Variants in SPECC1 observed in about 807,000 individuals in gnomAD.
SPECC1 encodes cytospin-B.
A neutral mutation model predicts 104.1 loss-of-function variants in SPECC1; 62 were observed. That is an observed-to-expected ratio of 0.60 (90% CI 0.49 to 0.74). The LOEUF (loss-of-function observed/expected upper bound fraction) is 0.74, where lower values mean the gene tolerates loss of function less well. Among genes scored for constraint, SPECC1 ranks in the 30% least tolerant of loss-of-function variants. The pLI, the probability that SPECC1 is intolerant of heterozygous loss-of-function variation, is 0.00. For synonymous variants in SPECC1, 513 were observed against 501.6 expected, an observed-to-expected ratio of 1.02 and a Z score of -0.30; for missense variants, 1,306 against 1,310.5, an observed-to-expected ratio of 1.00 and a Z score of 0.05.
At position 20,148,341 on chromosome 17, in the gene SPECC1, G is replaced by A. The variant is rs540714249; in HGVS notation, c.283+37779G>A. Among the ~76,000 whole-genome samples, 3 of 152,158 alleles carry A rather than the reference G, an allele frequency of 2.0e-5. No individual in the cohort carries two copies. In the South Asian group the frequency reaches 6.2e-4, roughly 32 times the overall value. ...TGCAACCTTGAACTCCTGGGCTCAAGTGGTTCTCCCACCTCAGCCTCCCGA... is the reference window on the plus strand; with the variant it reads ...TGCAACCTTGAACTCCTGGGCTCAAATGGTTCTCCCACCTCAGCCTCCCGA... On this transcript the variant is annotated intron_variant, in intron 3 of 14. Transcript: ENST00000395527.
chr17:20,071,718 G>A (rs147712235), intron 1 of SPECC1, among the ~76,000 whole-genome samples: 3 of 152,134 alleles, frequency 2.0e-5, no homozygotes, highest in East Asian at 1.9e-4. Flanking sequence ...TTTTTTTAAC[G>A]TGATAACTTA....
At chr17:20,278,163 A>G (rs2040637733) in intron 12 of SPECC1, among the ~76,000 whole-genome samples, 1 of 152,126 alleles carries the variant, frequency 6.6e-6, no homozygotes, top group South Asian at 2.1e-4. Context: ...GGTATGGAAC[A>G]TAGCTCCCCT....
intron 1 of SPECC1, among the ~76,000 whole-genome samples, chr17:20,041,614 T>C (rs1461172355): frequency 6.7e-6 from 1 of 148,628 alleles, no homozygotes; most frequent in African/African-American, 2.5e-5. Flanking sequence ...TAGTTGTTTG[T>C]TGAGGCTTTT....
At position 20,204,823 on chromosome 17, in the gene SPECC1, G is replaced by A. The variant is rs376099359; in HGVS notation, c.774G>A (p.Glu258=). 4.6e-5 allele frequency: 75 copies of A among 1,613,926 alleles called. No individual in the cohort carries two copies. Among genetic ancestry groups the A allele is most frequent in the Non-Finnish European group, 6.3e-5 (74 of 1,180,034 alleles). ...RVLKEKLIYL[E]HSPNSEGAAS... is the part of the protein sequence containing the mutation. ...TGAAGGAGAAACTGATCTATCTTGA[G>A]CACTCCCCAAATTCAGAAGGGGCAG... The change falls in exon 4 of 15, where the codon GAG becomes GAA. Residue 258 remains glutamate, a synonymous_variant. Coordinates refer to ENST00000395527, the MANE Select transcript of SPECC1 (RefSeq NM_001243439.2).
chr17:20,101,862 C>T lies in SPECC1; in HGVS notation c.147+5064C>T, dbSNP rs191325707. Among the ~76,000 whole-genome samples, 15 of 152,330 alleles carry T rather than the reference C, an allele frequency of 9.8e-5. No homozygotes were observed. In the South Asian group the frequency reaches 1.5e-3, roughly 15 times the overall value. ...ACCATAACATGTTATCCACCAGTAA[C>T]GACCAGATTATGTTATGTCTGATGA... On this transcript the variant is annotated intron_variant, in intron 2 of 14. Coordinates refer to ENST00000395527, the MANE Select transcript of SPECC1 (RefSeq NM_001243439.2).
intron 7 of SPECC1, among the ~76,000 whole-genome samples, chr17:20,240,937 A>G (rs144083892): frequency 1.0e-3 from 156 of 152,224 alleles, no homozygotes; most frequent in African/African-American, 3.5e-3. Flanking sequence ...TGTATTATGA[A>G]CTGTTTGCAT....
At chr17:20,292,303 C>T (rs1263615726) in intron 12 of SPECC1, among the ~76,000 whole-genome samples, 5 of 151,908 alleles carry the variant, frequency 3.3e-5, no homozygotes, top group Non-Finnish European at 7.4e-5. Context: ...GATGGGGCAC[C>T]CCACTGCCCC....
chr17:20,222,314 A>T (rs2037929756), intron 4 of SPECC1, among the ~76,000 whole-genome samples: 1 of 152,088 alleles, frequency 6.6e-6, no homozygotes, highest in African/African-American at 2.4e-5. Flanking sequence ...AGCCTGGGAG[A>T]CAGAGCGAGA....
At chr17:20,270,669 C>T (rs2040379657) in intron 12 of SPECC1, among the ~76,000 whole-genome samples, 1 of 151,304 alleles carries the variant, frequency 6.6e-6, no homozygotes, top group Non-Finnish European at 1.5e-5. Context: ...ACTTACCATG[C>T]ATTTTTATGC....
chr17:20,267,099 C>T (rs541427226), intron 12 of SPECC1, among the ~76,000 whole-genome samples: 7 of 152,128 alleles, frequency 4.6e-5, no homozygotes, highest in Non-Finnish European at 5.9e-5. Flanking sequence ...GCCCTCACTA[C>T]GAAGTGAGGC....
intron 12 of SPECC1, among the ~76,000 whole-genome samples, chr17:20,270,681 T>G (rs1311979143): frequency 6.6e-6 from 1 of 152,084 alleles, no homozygotes; most frequent in Non-Finnish European, 1.5e-5. Context: ...TTTTTATGCT[T>G]ATGCTAAATA....
intron 1 of SPECC1, among the ~76,000 whole-genome samples, chr17:20,024,354 A>G (rs1420585888): frequency 6.6e-6 from 1 of 151,950 alleles, no homozygotes. Context: ...TGTTTACTCT[A>G]TGCGGAATAA....
intron 7 of SPECC1, among the ~76,000 whole-genome samples, chr17:20,243,537 G>T (rs1310409298): frequency 1.3e-5 from 2 of 151,996 alleles, no homozygotes; most frequent in African/African-American, 2.4e-5. Flanking sequence ...GCTATGTTTT[G>T]TGAATCCCTC....
At chr17:20,296,844 C>A (rs1598160273) in intron 12 of SPECC1, 117 bp from the exon 13 acceptor site, 1 of 893,796 alleles carries the variant, frequency 1.1e-6, no homozygotes, top group Non-Finnish European at 1.8e-6. Context: ...TATAGGAATG[C>A]TTGTGATTTT....
At chr17:20,267,905 T>C (rs937628105) in intron 12 of SPECC1, among the ~76,000 whole-genome samples, 1 of 152,066 alleles carries the variant, frequency 6.6e-6, no homozygotes, top group African/African-American at 2.4e-5. Flanking sequence ...AGCTGGGGGA[T>C]CTTGGGCTGG....
chr17:20,218,298 G>GCA (rs895212066), intron 4 of SPECC1, among the ~76,000 whole-genome samples: 6 of 147,846 alleles, frequency 4.1e-5, no homozygotes, highest in Non-Finnish European at 7.4e-5. Context: ...CCCCAACCCT[G>GCA]CATTGTTAGA....
intron 3 of SPECC1, among the ~76,000 whole-genome samples, chr17:20,143,494 G>A (rs958713611): frequency 1.3e-5 from 2 of 151,994 alleles, no homozygotes; most frequent in East Asian, 1.9e-4. Flanking sequence ...AACCAGCCTG[G>A]CCAACATAGT....
At chr17:20,073,202 C>G (rs550265324) in intron 1 of SPECC1, among the ~76,000 whole-genome samples, 1 of 152,168 alleles carries the variant, frequency 6.6e-6, no homozygotes, top group Non-Finnish European at 1.5e-5. Flanking sequence ...AGCCCGACTT[C>G]CCCTTCCCAC....
intron 1 of SPECC1, among the ~76,000 whole-genome samples, chr17:20,082,159 T>TG (rs2047000374): frequency 1.3e-5 from 2 of 152,218 alleles, no homozygotes; most frequent in Non-Finnish European, 2.9e-5. Flanking sequence ...TGCCTGCTTT[T>TG]GGGGGTGCTC....
Sources: gnomAD v4.1 joint callset for allele counts (sites outside exome capture counted in the v4.1 genomes callset) on GRCh38, gnomAD v4.1.1 for gene constraint, MANE v1.5 for transcripts, NCBI Gene and HGNC (gene_info 2026-07-23, HGNC 2026-07-21) for gene names.